Variants in SUPT3H observed in about 807,000 individuals in gnomAD.
SUPT3H encodes transcription initiation protein SPT3 homolog.
A neutral mutation model predicts 44.3 loss-of-function variants in SUPT3H; 44 were observed. The observed-to-expected ratio is 0.99, with a 90% confidence interval of 0.78 to 1.28. SUPT3H has a LOEUF of 1.28. SUPT3H is among the 50% of genes most tolerant of loss of function. The pLI is 0.00. For missense variants in SUPT3H, 380 were observed against 387.1 expected (o/e 0.98, Z 0.15); for synonymous variants, 124 against 125.6 (o/e 0.99, Z 0.09).
At chr6:45,311,295 A>G (rs1243873228) in intron 2 of SUPT3H, among the ~76,000 whole-genome samples, 1 of 152,198 alleles carries the variant, frequency 6.6e-6, no homozygotes, top group African/African-American at 2.4e-5. Flanking sequence ...CAAACCTAAG[A>G]ATACTCTGTG....
chr6:45,370,362 T>C (rs1283442926), intron 1 of SUPT3H, among the ~76,000 whole-genome samples: 6 of 152,046 alleles, frequency 3.9e-5, no homozygotes, highest in Non-Finnish European at 8.8e-5. Flanking sequence ...GGTGGTGCCA[T>C]TTACTGAGAT....
At chr6:45,093,188 A>G (rs1202862405) in intron 3 of SUPT3H, among the ~76,000 whole-genome samples, 3 of 152,184 alleles carry the variant, frequency 2.0e-5, no homozygotes, top group African/African-American at 7.2e-5. Context: ...AGAAAAATAT[A>G]TAATACTGAG....
chr6:45,171,564 A>G (rs1810768893), intron 2 of SUPT3H, among the ~76,000 whole-genome samples: 1 of 152,158 alleles, frequency 6.6e-6, no homozygotes, highest in Admixed American at 6.5e-5. Context: ...CTTTCAAACC[A>G]GTGTCCCCAA....
chr6:45,192,248 T>C (rs1261597200), intron 2 of SUPT3H, among the ~76,000 whole-genome samples: 1 of 152,132 alleles, frequency 6.6e-6, no homozygotes, highest in Non-Finnish European at 1.5e-5. Context: ...GCTGGCATTA[T>C]GGAACTGGCT....
chr6:45,054,658 GA>G (rs1049373436), intron 3 of SUPT3H, among the ~76,000 whole-genome samples: 1 of 152,114 alleles, frequency 6.6e-6, no homozygotes, highest in Non-Finnish European at 1.5e-5. Context: ...TGGGGGCTTT[GA>G]AAAGTTCCAA....
At chr6:45,243,679 C>T (rs72857099) in intron 2 of SUPT3H, among the ~76,000 whole-genome samples, 2,734 of 152,180 alleles carry the variant, frequency 0.018, 41 homozygotes, top group South Asian at 0.044. Context: ...AAAGACACTA[C>T]CAAAAATGGT....
intron 2 of SUPT3H, among the ~76,000 whole-genome samples, chr6:45,224,995 T>A (rs1766694470): frequency 6.6e-6 from 1 of 151,966 alleles, no homozygotes; most frequent in Admixed American, 6.6e-5. Context: ...AAATATACAA[T>A]CTGCCAGGCG....
intron 2 of SUPT3H, among the ~76,000 whole-genome samples, chr6:45,325,732 A>G (rs1786237566): frequency 6.6e-6 from 1 of 151,846 alleles, no homozygotes; most frequent in African/African-American, 2.4e-5. Context: ...ATTTGCATTG[A>G]CTTTTCTAAA....
chr6:45,333,808 T>A (rs1249590679), intron 2 of SUPT3H, among the ~76,000 whole-genome samples: 1 of 151,300 alleles, frequency 6.6e-6, no homozygotes, highest in Non-Finnish European at 1.5e-5. Context: ...ATATTCTTGT[T>A]AATACTCATA....
At chr6:45,176,332 G>T (rs926050573) in intron 2 of SUPT3H, among the ~76,000 whole-genome samples, 1 of 151,764 alleles carries the variant, frequency 6.6e-6, no homozygotes, top group Non-Finnish European at 1.5e-5. Flanking sequence ...CTGGAAAATC[G>T]GGTCACTCCC....
chr6:45,074,612 A>T (rs1389544497), intron 3 of SUPT3H, among the ~76,000 whole-genome samples: 1 of 152,080 alleles, frequency 6.6e-6, no homozygotes, highest in Non-Finnish European at 1.5e-5. Context: ...TTGCACTTAC[A>T]TGACATCCAA....
intron 10 of SUPT3H, among the ~76,000 whole-genome samples, chr6:44,830,185 T>C (rs1768375303): frequency 6.6e-6 from 1 of 152,206 alleles, no homozygotes; most frequent in South Asian, 2.1e-4. Flanking sequence ...ATGTGTTCTC[T>C]ATTCGATATG....
rs189199985 is a variant in SUPT3H at position 44,839,911 on chromosome 6, A to G, written c.913-10054T>C. Among the ~76,000 whole-genome samples, 255 of 152,148 alleles carry G rather than the reference A, an allele frequency of 1.7e-3. 2 individuals are homozygous for G. Among genetic ancestry groups the G allele is most frequent in the African/African-American group, 5.0e-3 (209 of 41,572 alleles). On this transcript the variant is annotated intron_variant, in intron 10 of 10. Transcript: ENST00000371459. ...GAGATGGGGTTTCACCGTGTTAGCC[A>G]GGATGGTCTCGATCTCCTGACCTCG...
chr6:45,073,935 G>A (rs911638698), intron 3 of SUPT3H, among the ~76,000 whole-genome samples: 1 of 151,976 alleles, frequency 6.6e-6, no homozygotes, highest in Non-Finnish European at 1.5e-5. Flanking sequence ...TGCAATGAGT[G>A]CTGACATCAA....
At chr6:44,953,468 C>T (rs371246820) in intron 8 of SUPT3H, 51 bp from the exon 9 acceptor site, 13 of 1,477,840 alleles carry the variant, frequency 8.8e-6, no homozygotes, top group East Asian at 4.5e-5. Flanking sequence ...ATCATGAATG[C>T]CACTGAAGTG....
chr6:45,211,711 T>G (rs1764109181), intron 2 of SUPT3H, among the ~76,000 whole-genome samples: 1 of 152,052 alleles, frequency 6.6e-6, no homozygotes, highest in South Asian at 2.1e-4. Flanking sequence ...TAGGGGGGCG[T>G]GGTGGCATGT....
In SUPT3H at chr6:44,847,128, G is replaced by C. The variant is rs887198257; in HGVS notation, c.913-17271C>G. Among the ~76,000 whole-genome samples, 8 of 152,188 alleles carry C rather than the reference G, an allele frequency of 5.3e-5. 1 individual carries two copies. Among genetic ancestry groups the C allele is most frequent in the Non-Finnish European group, 1.2e-4 (8 of 68,036 alleles). ...AATCAGGACAATGCTCTGAGAACTG[G>C]ACCCTTAGCATCACAATGAAAGACT... is the stretch of plus-strand genomic sequence containing the variant. On this transcript the variant is annotated intron_variant, in intron 10 of 10. Transcript: ENST00000371459.
At chr6:45,289,674 T>C (rs137935442) in intron 2 of SUPT3H, among the ~76,000 whole-genome samples, 1 of 152,318 alleles carries the variant, frequency 6.6e-6, no homozygotes, top group East Asian at 1.9e-4. Context: ...ATTATTGCTC[T>C]TCAGTTCCTC....
At chr6:44,984,449 C>T (rs1779501714) in intron 6 of SUPT3H, among the ~76,000 whole-genome samples, 1 of 152,032 alleles carries the variant, frequency 6.6e-6, no homozygotes, top group Non-Finnish European at 1.5e-5. Flanking sequence ...CAGTTGTATA[C>T]CCATCTGTAG....
Sources: gnomAD v4.1 joint callset for allele counts (sites outside exome capture counted in the v4.1 genomes callset) on GRCh38, gnomAD v4.1.1 for gene constraint, MANE v1.5 for transcripts, NCBI Gene and HGNC (gene_info 2026-07-23, HGNC 2026-07-21) for gene names.